The following PNLDC1 variants were observed in gnomAD, a reference collection of about 807,000 sequenced individuals.
PNLDC1 encodes the protein PARN like ribonuclease domain containing exonuclease 1, also known as poly(A)-specific ribonuclease PNLDC1.
In PNLDC1, 70 loss-of-function variants were observed where a neutral mutation model predicts 82.0. The ratio of observed to expected loss-of-function variants is 0.85; its 90% CI spans 0.70 to 1.04. PNLDC1 has a LOEUF of 1.04. PNLDC1 is among the 50% of genes least tolerant of loss of function. The pLI is 0.00. For missense variants in PNLDC1, 631 were observed against 661.1 expected, an observed-to-expected ratio of 0.95 and a Z score of 0.50; for synonymous variants, 280 against 249.3, an observed-to-expected ratio of 1.12 and a Z score of -1.16.
intron 15 of PNLDC1, among the ~76,000 whole-genome samples, chr6:159,817,542 G>T (rs926643408): frequency 1.3e-5 from 2 of 152,236 alleles, no homozygotes; most frequent in Admixed American, 6.5e-5. Context: ...AAGTGTTCAG[G>T]TCAATGAATG....
At chr6:159,818,796 T>A in intron 16 of PNLDC1, 142 bp downstream of exon 16, 1 of 1,205,192 alleles carries the variant, frequency 8.3e-7, no homozygotes, top group Non-Finnish European at 1.2e-6. Flanking sequence ...CTCTCATGTT[T>A]CTCCACTAAA....
At chr6:159,814,551 T>G (rs578081193) in intron 12 of PNLDC1, among the ~76,000 whole-genome samples, 1 of 152,208 alleles carries the variant, frequency 6.6e-6, no homozygotes, top group East Asian at 1.9e-4. Flanking sequence ...TTGACCCTCC[T>G]CTCTGTCCCT....
intron 7 of PNLDC1, 44 bp downstream of exon 7, chr6:159,806,127 G>T: frequency 6.9e-7 from 1 of 1,452,702 alleles, no homozygotes; most frequent in African/African-American, 1.4e-5. Context: ...ATTGGGACAG[G>T]TCACTGTCAC....
At position 159,819,450 on chromosome 6, in the gene PNLDC1, C is replaced by A; in HGVS notation, c.1532+98C>A. On this transcript the variant is annotated intron_variant, in intron 18 of 18. Transcript: ENST00000392167. The surrounding 1 kb of genome is among the most constrained non-coding windows in gnomAD (Gnocchi z 4.6). ...GTCTGACTCGAGCACAGCTCACTTG[C>A]TGGTGTGTGTTGCCAAGGGGGTTGT... The A allele has an allele frequency of 1.9e-6, 2 of 1,069,720 alleles. No homozygotes were observed. The highest frequency in any genetic ancestry group is 1.5e-5 in the South Asian group (1 of 67,816). 66.3% of individuals were successfully genotyped at this position (1,069,720 alleles called of 1,614,324 possible). A position where few individuals can be genotyped will look rare whatever the true frequency, so the allele number is the denominator to read the frequency against.
intron 4 of PNLDC1, 57 bp from the exon 5 acceptor site, chr6:159,803,908 G>C: frequency 6.4e-7 from 1 of 1,566,128 alleles, no homozygotes; most frequent in Non-Finnish European, 8.6e-7. Context: ...CCAGCCCTGG[G>C]AGCCAGAGTT....
chr6:159,818,849 C>A, intron 16 of PNLDC1, 97 bp from the exon 17 acceptor site: 1 of 1,415,244 alleles, frequency 7.1e-7, no homozygotes, highest in Non-Finnish European at 9.7e-7. Flanking sequence ...CTCCCTGCCC[C>A]AAGCAGAGCC....
chr6:159,812,704 C>T (rs1781684020), intron 11 of PNLDC1, among the ~76,000 whole-genome samples: 1 of 152,104 alleles, frequency 6.6e-6, no homozygotes, highest in African/African-American at 2.4e-5. Context: ...AGCGACCTGA[C>T]TGGTTTAAAT....
intron 16 of PNLDC1, 23 bp from the exon 17 acceptor site, chr6:159,818,923 C>CT (rs756352458): frequency 3.7e-6 from 6 of 1,610,952 alleles, no homozygotes; most frequent in Middle Eastern, 1.7e-4. Flanking sequence ...TGGAAAATCT[C>CT]TTGTGTTCTG....
chr6:159,813,360 TAGTGTG>T (rs1469784556), intron 11 of PNLDC1, among the ~76,000 whole-genome samples: 1 of 152,136 alleles, frequency 6.6e-6, no homozygotes, highest in East Asian at 1.9e-4. Context: ...CTAAGGGAGA[TAGTGTG>T]TGTAGAGTTT....
Position 159,806,431 on chromosome 6 carries a change from G to A in PNLDC1, c.562+348G>A, listed in dbSNP as rs139387278. ...TGTGGTGTGGAGCCACAGTGAACAC[G>A]CCATAGCTTAGCAGCTCTCAGAGGC... is the stretch of plus-strand genomic sequence containing the variant. On this transcript the variant is annotated intron_variant, in intron 7 of 18. Transcript: ENST00000392167. Among the ~76,000 whole-genome samples, 20 of 152,304 alleles carry A rather than the reference G, an allele frequency of 1.3e-4. No individual in the cohort carries two copies. The East Asian group carries it at 3.3e-3, about 25-fold the overall frequency.
At chr6:159,813,561 G>A (rs1184908659) in intron 11 of PNLDC1, 40 bp from the exon 12 acceptor site, 1 of 1,565,924 alleles carries the variant, frequency 6.4e-7, no homozygotes, top group African/African-American at 1.4e-5. Context: ...ATAAACAAAA[G>A]CGCAAATGTT....
chr6:159,817,565 T>C (rs956677950), intron 15 of PNLDC1, among the ~76,000 whole-genome samples: 3 of 152,218 alleles, frequency 2.0e-5, no homozygotes, highest in Non-Finnish European at 4.4e-5. Context: ...ATATCCTTTG[T>C]TGGGGGCACA....
chr6:159,801,188 T>G lies in PNLDC1; in HGVS notation c.208+2T>G. On this transcript the variant is annotated splice_donor_variant, in intron 3 of 18. Coordinates refer to ENST00000392167, the MANE Select transcript of PNLDC1 (RefSeq NM_001271862.2). LOFTEE classifies it high-confidence loss of function. ...AGCAATTTACAGTCTGTCAGATTGG[T>G]GAGTTTAATATCAGCTGTTAGAGTT... 1.2e-6 allele frequency: 2 copies of G among 1,613,062 alleles called. No homozygotes were observed. Among genetic ancestry groups the G allele is most frequent in the Non-Finnish European group, 1.7e-6 (2 of 1,179,012 alleles).
In PNLDC1 at chr6:159,808,762, A is replaced by G. The variant is rs571819603; in HGVS notation, c.585A>G (p.Gln195=). 1.9e-6 allele frequency: 3 copies of G among 1,614,000 alleles called. No homozygotes were observed. Among genetic ancestry groups the G allele is most frequent in the South Asian group, 2.2e-5 (2 of 91,004 alleles). Residue 195 remains glutamine, a synonymous_variant, in exon 8 of 19, where the codon CAA becomes CAG. Transcript: ENST00000392167. The part of the protein sequence containing the change: ...GITGFQAFEV[Q]LVLRQALPNI... Reference sequence around the variant, plus strand: ...CAGGCTTCCAGGCCTTTGAGGTCCAACTGGTGCTGAGGCAGGCCCTCCCCA... The same window carrying G: ...CAGGCTTCCAGGCCTTTGAGGTCCAGCTGGTGCTGAGGCAGGCCCTCCCCA...
intron 11 of PNLDC1, among the ~76,000 whole-genome samples, chr6:159,812,384 C>G (rs1781675149): frequency 6.6e-6 from 1 of 152,152 alleles, no homozygotes; most frequent in Non-Finnish European, 1.5e-5. Context: ...TTATTTAGAT[C>G]AGACAACAGA....
At chr6:159,802,051 C>G (rs1340076462) in intron 3 of PNLDC1, among the ~76,000 whole-genome samples, 2 of 152,064 alleles carry the variant, frequency 1.3e-5, no homozygotes, top group African/African-American at 4.8e-5. Flanking sequence ...CCAGGCCTGG[C>G]TAATTTTTGT....
upstream of PNLDC1, among the ~76,000 whole-genome samples, chr6:159,799,655 A>G (rs2342446): frequency 0.78 from 118,251 of 151,990 alleles, 46,287 homozygotes; most frequent in South Asian, 0.85. Context: ...GTATGTGATG[A>G]TGTAGGTAGG....
At chr6:159,799,656 T>C (rs1283247412), upstream of PNLDC1, among the ~76,000 whole-genome samples, 1 of 151,994 alleles carries the variant, frequency 6.6e-6, no homozygotes, top group Non-Finnish European at 1.5e-5. Flanking sequence ...TATGTGATGA[T>C]GTAGGTAGGG....
chr6:159,818,526 G>A (rs532140369), intron 15 of PNLDC1, 29 bp from the exon 16 acceptor site: 41 of 1,598,444 alleles, frequency 2.6e-5, no homozygotes, highest in Non-Finnish European at 3.0e-5. Context: ...CTGTGCGCCC[G>A]ACAGCTTTGG....
Sources: allele counts gnomAD v4.1 joint callset (sites outside exome capture counted in the v4.1 genomes callset), GRCh38; gene constraint gnomAD v4.1.1; non-coding constraint Gnocchi (gnomAD v3.1); transcripts MANE v1.5; gene names NCBI Gene and HGNC (gene_info 2026-07-23, HGNC 2026-07-21).